Variants in KHDRBS3 observed in about 807,000 individuals in gnomAD.
KHDRBS3 encodes KH RNA binding domain containing, signal transduction associated 3.
KHDRBS3 carries 23 observed loss-of-function variants against 45.6 expected under a neutral mutation model. The ratio of observed to expected loss-of-function variants is 0.50; its 90% CI spans 0.36 to 0.72. The LOEUF (loss-of-function observed/expected upper bound fraction) is 0.72, where lower values mean the gene tolerates loss of function less well. Among genes scored for constraint, KHDRBS3 ranks in the 30% least tolerant of loss-of-function variants. KHDRBS3 has a pLI of 0.00. For missense variants in KHDRBS3, 352 were observed against 424.8 expected (o/e 0.83, Z 1.51); for synonymous variants, 162 against 156.5 (o/e 1.04, Z -0.26).
chr8:135,553,600 A>T (rs1488579708), intron 4 of KHDRBS3, among the ~76,000 whole-genome samples: 2 of 152,210 alleles, frequency 1.3e-5, no homozygotes, highest in African/African-American at 4.8e-5. Flanking sequence ...TGATCCTAGG[A>T]TTAACCTTGG....
chr8:135,530,511 A>G (rs1289883446), intron 2 of KHDRBS3, among the ~76,000 whole-genome samples: 5 of 152,250 alleles, frequency 3.3e-5, no homozygotes. Context: ...GTTACAGAGA[A>G]AGAAGTCAGG....
intron 7 of KHDRBS3, among the ~76,000 whole-genome samples, chr8:135,635,991 C>A (rs1830795301): frequency 6.6e-6 from 1 of 152,208 alleles, no homozygotes; most frequent in South Asian, 2.1e-4. Flanking sequence ...GCAGTTTTTA[C>A]TGGAAAGCTC....
At chr8:135,621,675 C>T (rs147835731) in intron 7 of KHDRBS3, among the ~76,000 whole-genome samples, 107 of 147,152 alleles carry the variant, frequency 7.3e-4, no homozygotes, top group African/African-American at 2.6e-3. Flanking sequence ...ACCAGGCAAA[C>T]CAGAAGGAAG....
chr8:135,606,890 C>A, intron 6 of KHDRBS3, 65 bp from the exon 7 acceptor site: 3 of 1,239,264 alleles, frequency 2.4e-6, no homozygotes, highest in Non-Finnish European at 1.2e-6. Flanking sequence ...TCACTAAAAG[C>A]AGAATGCTTC....
chr8:135,467,447 A>T (rs1821754355), intron 1 of KHDRBS3, among the ~76,000 whole-genome samples: 1 of 152,230 alleles, frequency 6.6e-6, no homozygotes, highest in African/African-American at 2.4e-5. Flanking sequence ...CTTTTACAGG[A>T]CCCAAGTCAA....
Position 135,597,637 on chromosome 8 carries a change from T to A in KHDRBS3, c.808-9318T>A, listed in dbSNP as rs189394449. 3.2e-3 allele frequency among the ~76,000 whole-genome samples: 490 copies of A among 152,266 alleles called. 1 individual carries two copies. Among genetic ancestry groups the A allele is most frequent in the Non-Finnish European group, 4.8e-3 (326 of 68,028 alleles). On this transcript the variant is annotated intron_variant, in intron 6 of 8. Transcript: ENST00000355849. ...TGCTTCCCCATGAGGACAAAGATAC[T>A]TGTTTTGTTTTGTTTGTGTTGAATG... is the stretch of plus-strand genomic sequence containing the variant.
At chr8:135,602,064 C>T (rs965311576) in intron 6 of KHDRBS3, among the ~76,000 whole-genome samples, 7 of 152,182 alleles carry the variant, frequency 4.6e-5, no homozygotes, top group African/African-American at 7.2e-5. Flanking sequence ...TCCTTTTCCT[C>T]GTTTTAATCA....
At chr8:135,497,609 CA>C (rs1211598115) in intron 1 of KHDRBS3, among the ~76,000 whole-genome samples, 4 of 151,752 alleles carry the variant, frequency 2.6e-5, no homozygotes, top group East Asian at 3.9e-4. Flanking sequence ...GTTATTAGGA[CA>C]AAAAAAGTAA....
chr8:135,563,704 T>C (rs1422793902), intron 5 of KHDRBS3, among the ~76,000 whole-genome samples: 7 of 152,256 alleles, frequency 4.6e-5, no homozygotes, highest in African/African-American at 1.7e-4. Context: ...CTTTTGCTAA[T>C]GCTGATCTTA....
intron 2 of KHDRBS3, among the ~76,000 whole-genome samples, chr8:135,532,463 G>A (rs957602159): frequency 1.3e-5 from 2 of 152,204 alleles, no homozygotes; most frequent in African/African-American, 4.8e-5. Flanking sequence ...AAGTGCTTGA[G>A]TGGTGTTCTC....
chr8:135,495,592 C>G (rs150345986), intron 1 of KHDRBS3, among the ~76,000 whole-genome samples: 1,705 of 152,320 alleles, frequency 0.011, 8 homozygotes, highest in Non-Finnish European at 0.016. Flanking sequence ...TCCCACTTCA[C>G]CCTAGTGTCT....
chr8:135,555,063 A>G (rs1319980975), intron 4 of KHDRBS3, among the ~76,000 whole-genome samples: 1 of 152,140 alleles, frequency 6.6e-6, no homozygotes, highest in Admixed American at 6.5e-5. Context: ...AATGGATTCC[A>G]TCTCCACCTT....
At chr8:135,501,242 T>C (rs1823720564) in intron 1 of KHDRBS3, among the ~76,000 whole-genome samples, 1 of 152,224 alleles carries the variant, frequency 6.6e-6, no homozygotes, top group African/African-American at 2.4e-5. Context: ...TCTTTTTCTT[T>C]ATTCTGTTAT....
At chr8:135,632,773 C>T (rs1230456439) in intron 7 of KHDRBS3, among the ~76,000 whole-genome samples, 1 of 152,142 alleles carries the variant, frequency 6.6e-6, no homozygotes, top group African/African-American at 2.4e-5. Context: ...GCATGGTCCA[C>T]CTGCCTTCTT....
chr8:135,621,487 T>C (rs550761037), intron 7 of KHDRBS3, among the ~76,000 whole-genome samples: 1 of 152,338 alleles, frequency 6.6e-6, no homozygotes, highest in African/African-American at 2.4e-5. Context: ...AATTTGATGT[T>C]TTCTATTAGA....
chr8:135,571,866 A>AAGG (rs1319018561), intron 5 of KHDRBS3, among the ~76,000 whole-genome samples: 1 of 152,178 alleles, frequency 6.6e-6, no homozygotes, highest in Non-Finnish European at 1.5e-5. Context: ...CTTCAATAAA[A>AAGG]TGGAGATAGA....
chr8:135,606,846 C>CATAT, intron 6 of KHDRBS3, 109 bp from the exon 7 acceptor site: 1 of 754,234 alleles, frequency 1.3e-6, no homozygotes, highest in Non-Finnish European at 2.2e-6. Flanking sequence ...TATAAGTAGA[C>CATAT]ATATAATTAA....
At position 135,498,451 on chromosome 8, in the gene KHDRBS3, G is replaced by A. The variant is rs1236027075; in HGVS notation, c.89-22786G>A. Reference sequence around the variant, plus strand: ...TCCTTTCTTTGATCTGAAGTGGACTGGATTGAGCCCATCTGCTGATAGATT... The same window carrying A: ...TCCTTTCTTTGATCTGAAGTGGACTAGATTGAGCCCATCTGCTGATAGATT... On this transcript the variant is annotated intron_variant, in intron 1 of 8. Coordinates refer to ENST00000355849, the MANE Select transcript of KHDRBS3 (RefSeq NM_006558.3). Among the ~76,000 whole-genome samples, 3 of 152,156 alleles carry A rather than the reference G, an allele frequency of 2.0e-5. No individual in the cohort carries two copies. In the East Asian group the frequency reaches 5.8e-4, roughly 29 times the overall value.
At chr8:135,515,674 C>CTG (rs927236125) in intron 1 of KHDRBS3, among the ~76,000 whole-genome samples, 3 of 152,144 alleles carry the variant, frequency 2.0e-5, no homozygotes, top group Non-Finnish European at 4.4e-5. Flanking sequence ...GCCCTTGCTG[C>CTG]TGTGTCACCA....
Sources: allele counts gnomAD v4.1 joint callset (sites outside exome capture counted in the v4.1 genomes callset), GRCh38; gene constraint gnomAD v4.1.1; transcripts MANE v1.5; gene names NCBI Gene and HGNC (gene_info 2026-07-23, HGNC 2026-07-21).